The following GXYLT2 variants were observed in gnomAD, a reference collection of about 807,000 sequenced individuals.
GXYLT2 encodes glucoside xylosyltransferase 2.
A neutral mutation model predicts 45.8 loss-of-function variants in GXYLT2; 53 were observed. The observed-to-expected ratio is 1.16, with a 90% CI of 0.93 to 1.46. The LOEUF (loss-of-function observed/expected upper bound fraction) is 1.46, where lower values mean the gene tolerates loss of function less well. Among genes scored for constraint, GXYLT2 ranks in the 40% most tolerant of loss-of-function variants. The pLI is 0.00. For missense variants in GXYLT2, 551 were observed against 544.4 expected, an observed-to-expected ratio of 1.01 and a Z score of -0.12; for synonymous variants, 219 against 214.2, an observed-to-expected ratio of 1.02 and a Z score of -0.19.
intron 1 of GXYLT2, among the ~76,000 whole-genome samples, chr3:72,900,820 T>A (rs556819556): frequency 0.033 from 4,585 of 139,586 alleles, 92 homozygotes; most frequent in Non-Finnish European, 0.05. Context: ...ATTTATTTAT[T>A]TAATAACTTT....
rs145917013 is a variant in GXYLT2 at position 72,919,744 on chromosome 3, G to A, written c.469-2460G>A. Among the ~76,000 whole-genome samples the A allele has an allele frequency of 6.5e-3, 984 of 152,314 alleles. 13 individuals carry two copies. Among genetic ancestry groups the A allele is most frequent in the African/African-American group, 0.02 (812 of 41,564 alleles). On this transcript the variant is annotated intron_variant, in intron 2 of 6. Transcript: ENST00000389617. The stretch of plus-strand genomic sequence containing the variant: ...CACTCCAGTCTGGATGACAGCGCGA[G>A]ACTCTGTCTCAAAAACAAAAAGAAG...
chr3:72,956,276 A>G (rs948217333), intron 4 of GXYLT2, among the ~76,000 whole-genome samples: 43 of 152,306 alleles, frequency 2.8e-4, no homozygotes, highest in African/African-American at 9.9e-4. Flanking sequence ...AGACATGTCC[A>G]GAAGAATACC....
intron 1 of GXYLT2, among the ~76,000 whole-genome samples, chr3:72,892,263 C>CA (rs1459506648): frequency 6.6e-6 from 1 of 152,180 alleles, no homozygotes; most frequent in African/African-American, 2.4e-5. Flanking sequence ...CTAACTCTTG[C>CA]AAAATCACTG....
chr3:72,925,571 G>A (rs182485831), intron 3 of GXYLT2, among the ~76,000 whole-genome samples: 31 of 152,204 alleles, frequency 2.0e-4, no homozygotes, highest in African/African-American at 6.7e-4. Flanking sequence ...TATAAAAACT[G>A]ATTACTCTTT....
At chr3:72,959,986 C>G (rs1710738869) in intron 5 of GXYLT2, among the ~76,000 whole-genome samples, 1 of 152,100 alleles carries the variant, frequency 6.6e-6, no homozygotes, top group African/African-American at 2.4e-5. Context: ...CACTCTGTCA[C>G]CCAGGCTGGA....
rs139731176 is a variant in GXYLT2 at position 72,971,756 on chromosome 3, G to A, written c.1150-3221G>A. Among the ~76,000 whole-genome samples the A allele has an allele frequency of 1.5e-3, 221 of 151,954 alleles. 2 individuals carry two copies. The highest frequency in any genetic ancestry group is 2.6e-4 in the Non-Finnish European group (18 of 67,952). Reference sequence around the variant, plus strand: ...TTGAGGTCGGGAGTTCGAGAACAGCGTGGCCAAAATGGCGAAACCCTGTCT... The same window carrying A: ...TTGAGGTCGGGAGTTCGAGAACAGCATGGCCAAAATGGCGAAACCCTGTCT... On this transcript the variant is annotated intron_variant, in intron 6 of 6. Coordinates refer to ENST00000389617, the MANE Select transcript of GXYLT2 (RefSeq NM_001080393.2).
intron 2 of GXYLT2, among the ~76,000 whole-genome samples, chr3:72,915,270 A>G (rs1709713484): frequency 7.0e-6 from 1 of 143,698 alleles, no homozygotes; most frequent in Non-Finnish European, 1.5e-5. Context: ...AAAGCACCAA[A>G]GGGCTGCTTT....
At chr3:72,892,606 G>T (rs1309907594) in intron 1 of GXYLT2, among the ~76,000 whole-genome samples, 1 of 152,150 alleles carries the variant, frequency 6.6e-6, no homozygotes, top group Non-Finnish European at 1.5e-5. Context: ...CCAATGAAAG[G>T]AAGCATGTGT....
chr3:72,913,736 A>G (rs1709679886), intron 2 of GXYLT2, among the ~76,000 whole-genome samples: 1 of 152,158 alleles, frequency 6.6e-6, no homozygotes, highest in Admixed American at 6.6e-5. Context: ...AAAACTAGGC[A>G]GGGTGTATAC....
intron 3 of GXYLT2, among the ~76,000 whole-genome samples, chr3:72,950,740 T>C (rs1233328089): frequency 6.6e-6 from 1 of 152,164 alleles, no homozygotes; most frequent in African/African-American, 2.4e-5. Context: ...AACCACCAAG[T>C]CATACTGTCA....
rs1021580133 is a variant in GXYLT2, at chr3:72,976,484, T to C, written c.*1325T>C. ...AAAACAAATAGTTCAGCTGCTTCTA[T>C]TGGTAAGAAAATTCAACTTCCTACC... On this transcript the variant is annotated 3_prime_UTR_variant, in exon 7 of 7. Coordinates refer to ENST00000389617, the MANE Select transcript of GXYLT2 (RefSeq NM_001080393.2). 6.6e-6 allele frequency: 1 copy of C among 152,230 alleles called. No homozygotes were observed. The highest frequency in any genetic ancestry group is 2.4e-5 in the African/African-American group (1 of 41,462). 9.4% of individuals were successfully genotyped at this position (152,230 alleles called of 1,614,324 possible). A position where few individuals can be genotyped will look rare whatever the true frequency, so the allele number is the denominator to read the frequency against.
rs1709976260 is a variant in GXYLT2, at chr3:72,929,106, A to G, written c.600+6771A>G. 14 of 1,591,678 alleles carry G rather than the reference A, an allele frequency of 8.8e-6. No homozygotes were observed. The South Asian group carries it at 1.4e-4, about 16-fold the overall frequency. On this transcript the variant is annotated intron_variant, in intron 3 of 6. Coordinates refer to ENST00000389617, the MANE Select transcript of GXYLT2 (RefSeq NM_001080393.2). Reference sequence around the variant, plus strand: ...CACCAGGACTCAGAGGCCGTCATCAACCGCTAGATCAACCTGGAGCTCTAC... The same window carrying G: ...CACCAGGACTCAGAGGCCGTCATCAGCCGCTAGATCAACCTGGAGCTCTAC...
intron 5 of GXYLT2, among the ~76,000 whole-genome samples, chr3:72,961,400 A>G (rs1710765880): frequency 6.6e-6 from 1 of 152,138 alleles, no homozygotes; most frequent in Non-Finnish European, 1.5e-5. Context: ...TGATCACACG[A>G]GTCAAATCAA....
chr3:72,919,989 C>T (rs1007520201), intron 2 of GXYLT2, among the ~76,000 whole-genome samples: 1 of 151,996 alleles, frequency 6.6e-6, no homozygotes, highest in African/African-American at 2.4e-5. Flanking sequence ...ACAAATATAC[C>T]ACATGAATGC....
intron 2 of GXYLT2, 125 bp from the exon 3 acceptor site, chr3:72,922,079 G>C (rs914083304): frequency 1.3e-6 from 1 of 784,906 alleles, no homozygotes; most frequent in African/African-American, 1.8e-5. Flanking sequence ...TCATAGTGGT[G>C]ATGAAGTTAG....
Position 72,955,272 on chromosome 3 carries a change from C to A in GXYLT2, c.775C>A (p.Pro259Thr). The A allele has an allele frequency of 1.2e-6, 2 of 1,614,002 alleles. No individual in the cohort carries two copies. Among genetic ancestry groups the A allele is most frequent in the South Asian group, 2.2e-5 (2 of 91,084 alleles). The change falls in exon 4 of 7, where the codon CCT becomes ACT. Residue 259 changes from proline (P) to threonine (T), a missense_variant. Pro to Thr is a conservative substitution (Grantham distance 38). Transcript: ENST00000389617. ...IGWYSRFARHPFYGSAGVNSG... is the reference protein window; with the variant it reads ...IGWYSRFARHTFYGSAGVNSG... ...CTGGTACAGCCGCTTTGCTAGGCAT[C>A]CTTTCTATGGCTCTGCAGGAGTTAA... is the stretch of plus-strand genomic sequence containing the variant.
chr3:72,921,532 A>G (rs1357316369), intron 2 of GXYLT2, among the ~76,000 whole-genome samples: 1 of 152,114 alleles, frequency 6.6e-6, no homozygotes, highest in Admixed American at 6.6e-5. Flanking sequence ...GGTTCAAAGC[A>G]ATTCTCGTGT....
chr3:72,937,258 A>G (rs1710204054), intron 3 of GXYLT2, among the ~76,000 whole-genome samples: 2 of 152,250 alleles, frequency 1.3e-5, no homozygotes, highest in Admixed American at 1.3e-4. Flanking sequence ...TTTAGTAAAA[A>G]CAAGTATTCT....
chr3:72,968,411 A>G (rs1237470242), intron 6 of GXYLT2, among the ~76,000 whole-genome samples: 1 of 152,238 alleles, frequency 6.6e-6, no homozygotes, highest in Non-Finnish European at 1.5e-5. Flanking sequence ...GCCAACTCCA[A>G]TCTGTTACTC....
Sources: allele counts gnomAD v4.1 joint callset (sites outside exome capture counted in the v4.1 genomes callset), GRCh38; gene constraint gnomAD v4.1.1; transcripts MANE v1.5; gene names NCBI Gene and HGNC (gene_info 2026-07-23, HGNC 2026-07-21).